Variants in GMPS observed in about 807,000 individuals in gnomAD.
GMPS encodes GMP synthase [glutamine-hydrolyzing].
Under a neutral mutation model 77.9 loss-of-function variants are expected in GMPS, and 15 were observed. That is an observed-to-expected ratio of 0.19 (90% confidence interval 0.13 to 0.30). The LOEUF is 0.30. Among genes scored for constraint, GMPS ranks in the 10% least tolerant of loss-of-function variants. The probability of loss-of-function intolerance (pLI) is 1.00; values close to 1 mark genes in which losing one functional copy is unlikely to be tolerated. For synonymous variants in GMPS, 224 were observed against 275.9 expected (o/e 0.81, Z 1.86); for missense variants, 590 against 838.8 (o/e 0.70, Z 3.66).
At chr3:155,890,560 A>G (rs1430559168) in intron 1 of GMPS, among the ~76,000 whole-genome samples, 1 of 152,218 alleles carries the variant, frequency 6.6e-6, no homozygotes, top group Non-Finnish European at 1.5e-5. Flanking sequence ...TCTTTGTAAA[A>G]AGCTTATCAA....
rs748458075 is a variant in GMPS at position 155,925,286 on chromosome 3, G to A, written c.1480G>A (p.Asp494Asn). 1 of 1,612,582 alleles carries A rather than the reference G, an allele frequency of 6.2e-7. No homozygotes were observed. Among genetic ancestry groups the A allele is most frequent in the Non-Finnish European group, 8.5e-7 (1 of 1,178,634 alleles). The change falls in exon 12 of 16, where the codon GAT becomes AAT. Residue 494 changes from aspartate to asparagine, a missense_variant. Transcript: ENST00000496455. ...QRVKACTTEEDQEKLMQITSL... is the reference protein window; with the variant it reads ...QRVKACTTEENQEKLMQITSL... The stretch of plus-strand genomic sequence containing the variant: ...AGTCAAAGCCTGCACAACAGAAGAG[G>A]ATCAGGAGAAGCTGATGCAAATTAC...
chr3:155,871,382 C>T (rs1286589464), intron 1 of GMPS, among the ~76,000 whole-genome samples: 1 of 152,158 alleles, frequency 6.6e-6, no homozygotes, highest in Non-Finnish European at 1.5e-5. Context: ...GGAGCTGGGC[C>T]GGCCTCTGGT....
intron 1 of GMPS, among the ~76,000 whole-genome samples, chr3:155,872,927 TAA>T (rs1753938432): frequency 6.6e-6 from 1 of 152,176 alleles, no homozygotes; most frequent in South Asian, 2.1e-4. Flanking sequence ...ACATTTTAAG[TAA>T]AGAGATATTA....
At chr3:155,919,170 G>A (rs913856098) in intron 9 of GMPS, 63 bp from the exon 10 acceptor site, 17 of 693,896 alleles carry the variant, frequency 2.4e-5, no homozygotes, top group East Asian at 5.5e-5. Flanking sequence ...AATTTATTAC[G>A]CTTTGTTTTC....
At chr3:155,880,017 TG>T (rs1171714644) in intron 1 of GMPS, among the ~76,000 whole-genome samples, 1 of 152,078 alleles carries the variant, frequency 6.6e-6, no homozygotes, top group Admixed American at 6.6e-5. Flanking sequence ...TCTGCCATTC[TG>T]TAGATTATCT....
intron 1 of GMPS, among the ~76,000 whole-genome samples, chr3:155,881,772 A>C (rs561298857): frequency 6.6e-6 from 1 of 152,274 alleles, no homozygotes; most frequent in South Asian, 2.1e-4. Context: ...AAACATTAAG[A>C]CTGCTTAAAG....
intron 12 of GMPS, among the ~76,000 whole-genome samples, chr3:155,928,951 G>C (rs1429408311): frequency 6.6e-5 from 10 of 150,594 alleles, no homozygotes; most frequent in Middle Eastern, 3.4e-3. Flanking sequence ...GGACATTTGG[G>C]TTGGTTCCAA....
intron 5 of GMPS, 39 bp downstream of exon 5, chr3:155,906,302 A>G: frequency 8.2e-7 from 1 of 1,214,822 alleles, no homozygotes; most frequent in South Asian, 1.3e-5. Context: ...CATTTAAAAA[A>G]CTTTATCTGA....
chr3:155,913,117 TCCTA>T (rs1288590277), intron 7 of GMPS, among the ~76,000 whole-genome samples: 1 of 152,172 alleles, frequency 6.6e-6, no homozygotes, highest in African/African-American at 2.4e-5. Context: ...GATTCCCTCT[TCCTA>T]CCACTTCCTC....
Position 155,910,820 on chromosome 3 carries a change from G to A in GMPS, c.655G>A (p.Val219Met), listed in dbSNP as rs371983046. Residue 219 changes from valine (V) to methionine (M), a missense_variant, in exon 6 of 16, where the codon GTG becomes ATG. Physicochemically the swap from Val to Met is conservative, Grantham distance 21 (BLOSUM62 1). This residue lies in a region of GMPS where 136 missense variants were observed against 225.6 expected (regional missense o/e 0.60). Transcript: ENST00000496455. ...AGCTGGATGCAGTGGAACCTTCACC[G>A]TGCAGAACAGAGAACTTGAGTGTAT... ...DIAGCSGTFT[V>M]QNRELECIRE... 3.9e-5 allele frequency: 63 copies of A among 1,611,344 alleles called. No individual in the cohort carries two copies. Among genetic ancestry groups the A allele is most frequent in the East Asian group, 1.6e-4 (7 of 44,864 alleles).
rs767807412 is a variant in GMPS at position 155,900,567 on chromosome 3, G to T, written c.324+2526G>T. 2.6e-5 allele frequency among the ~76,000 whole-genome samples: 4 copies of T among 152,160 alleles called. No individual in the cohort carries two copies. The South Asian group carries it at 8.3e-4, about 32-fold the overall frequency. ...TTAAGGCCTACTTATAGTGAAATAC[G>T]TCTGAAAAATGCTCCTTTAATTTAA... On this transcript the variant is annotated intron_variant, in intron 3 of 15. Coordinates refer to ENST00000496455, the MANE Select transcript of GMPS (RefSeq NM_003875.3).
chr3:155,909,307 G>A (rs943021822), intron 5 of GMPS, among the ~76,000 whole-genome samples: 2 of 152,182 alleles, frequency 1.3e-5, no homozygotes, highest in South Asian at 2.1e-4. Context: ...GTGGTTAATA[G>A]TAGTCAAGAA....
At chr3:155,892,110 T>C (rs1415763450) in intron 1 of GMPS, among the ~76,000 whole-genome samples, 2 of 152,188 alleles carry the variant, frequency 1.3e-5, no homozygotes, top group Non-Finnish European at 2.9e-5. Context: ...TTAGGACATA[T>C]TGAAGAGTAT....
At chr3:155,931,503 C>T (rs1755617642) in intron 12 of GMPS, among the ~76,000 whole-genome samples, 1 of 151,894 alleles carries the variant, frequency 6.6e-6, no homozygotes, top group Admixed American at 6.6e-5. Context: ...TTGATATTAC[C>T]ATGATACTTT....
chr3:155,928,588 A>T (rs1458874961), intron 12 of GMPS, among the ~76,000 whole-genome samples: 7 of 151,356 alleles, frequency 4.6e-5, no homozygotes, highest in Non-Finnish European at 2.9e-5. Flanking sequence ...CACATTGTGC[A>T]GGTTAGTTAC....
intron 1 of GMPS, among the ~76,000 whole-genome samples, chr3:155,877,961 A>G (rs1754094928): frequency 6.6e-6 from 1 of 152,046 alleles, no homozygotes; most frequent in African/African-American, 2.4e-5. Flanking sequence ...TTTAGTAGCA[A>G]CGGGGTTTTG....
intron 12 of GMPS, among the ~76,000 whole-genome samples, chr3:155,926,465 T>G (rs1462536346): frequency 6.6e-6 from 1 of 152,164 alleles, no homozygotes; most frequent in African/African-American, 2.4e-5. Context: ...TAAGTGCCAG[T>G]TATTGGGTTA....
chr3:155,893,961 T>G (rs1754534474), intron 2 of GMPS, among the ~76,000 whole-genome samples: 1 of 152,204 alleles, frequency 6.6e-6, no homozygotes, highest in Non-Finnish European at 1.5e-5. Context: ...CAGAGTTAGA[T>G]GTAGCTGTTG....
intron 5 of GMPS, among the ~76,000 whole-genome samples, chr3:155,907,223 A>G (rs1037156085): frequency 6.6e-6 from 1 of 152,190 alleles, no homozygotes; most frequent in Non-Finnish European, 1.5e-5. Flanking sequence ...GTGTATTTTT[A>G]TTCATCCAAC....
Sources: allele counts gnomAD v4.1 joint callset (sites outside exome capture counted in the v4.1 genomes callset), GRCh38; gene constraint gnomAD v4.1.1; regional missense constraint gnomAD v4.1.1; transcripts MANE v1.5; gene names NCBI Gene and HGNC (gene_info 2026-07-23, HGNC 2026-07-21).